CYSTM1: variants seen among roughly 807,000 people sequenced by gnomAD.
CYSTM1 encodes the protein cysteine-rich transmembrane module-containing protein 1.
A neutral mutation model predicts 13.1 loss-of-function variants in CYSTM1; 4 were observed. The ratio of observed to expected loss-of-function variants is 0.31; its 90% CI spans 0.15 to 0.70. The LOEUF (loss-of-function observed/expected upper bound fraction) is 0.70, where lower values mean the gene tolerates loss of function less well. CYSTM1 is among the 30% of genes least tolerant of loss of function. The pLI, the probability that CYSTM1 is intolerant of heterozygous loss-of-function variation, is 0.72. For missense variants in CYSTM1, 96 were observed against 121.6 expected, an observed-to-expected ratio of 0.79 and a Z score of 0.99; for synonymous variants, 36 against 42.7, an observed-to-expected ratio of 0.84 and a Z score of 0.62.
rs1397176514 is a variant in CYSTM1 at position 140,219,138 on chromosome 5, G to A, written c.188-24167G>A. ...TCCTAGTTACAGTCGTACAAGCCAG[G>A]CCACCACTTCTGTCTCCTTTTCTCT... On this transcript the variant is annotated intron_variant, in intron 2 of 2. Coordinates refer to ENST00000261811, the MANE Select transcript of CYSTM1 (RefSeq NM_032412.4). The surrounding 1 kb of genome is among the most constrained non-coding windows in gnomAD (Gnocchi z 4.1). 6.6e-6 allele frequency among the ~76,000 whole-genome samples: 1 copy of A among 152,096 alleles called. No individual in the cohort carries two copies. Among genetic ancestry groups the A allele is most frequent in the Non-Finnish European group, 1.5e-5 (1 of 68,032 alleles).
intron 2 of CYSTM1, among the ~76,000 whole-genome samples, chr5:140,231,101 C>T (rs1764612696): frequency 6.6e-6 from 1 of 152,112 alleles, no homozygotes; most frequent in African/African-American, 2.4e-5. Context: ...AACAAGTAAT[C>T]TCTCAATTTA....
chr5:140,211,287 C>G (rs570356509), intron 2 of CYSTM1, among the ~76,000 whole-genome samples: 3 of 152,322 alleles, frequency 2.0e-5, no homozygotes, highest in East Asian at 3.9e-4. Flanking sequence ...TTCATGGTCA[C>G]AGAGCTAAGA....
At chr5:140,229,916 G>C (rs1433527030) in intron 2 of CYSTM1, among the ~76,000 whole-genome samples, 1 of 152,096 alleles carries the variant, frequency 6.6e-6, no homozygotes, top group African/African-American at 2.4e-5. Context: ...TGTCACCCAA[G>C]CTGGAGTGCA....
chr5:140,201,548 A>T (rs926950773), intron 2 of CYSTM1: 3 of 152,192 alleles, frequency 2.0e-5, no homozygotes, highest in East Asian at 1.9e-4. Context: ...TACCTATACT[A>T]TACCTCCAGT....
intron 2 of CYSTM1, among the ~76,000 whole-genome samples, chr5:140,233,947 T>C (rs1460664187): frequency 6.6e-6 from 1 of 152,250 alleles, no homozygotes; most frequent in Non-Finnish European, 1.5e-5. Context: ...GTGTCTTCCA[T>C]GGAGCAAAAG....
At position 140,230,968 on chromosome 5, in the gene CYSTM1, A is replaced by G. The variant is rs1010354521; in HGVS notation, c.188-12337A>G. Among the ~76,000 whole-genome samples, 2 of 152,110 alleles carry G rather than the reference A, an allele frequency of 1.3e-5. No individual in the cohort carries two copies. Among genetic ancestry groups the G allele is most frequent in the Non-Finnish European group, 2.9e-5 (2 of 68,028 alleles). On this transcript the variant is annotated intron_variant, in intron 2 of 2. Transcript: ENST00000261811. This position sits in a 1 kb window ranked among gnomAD's most constrained non-coding sequence, Gnocchi z 4.1. The stretch of plus-strand genomic sequence containing the variant: ...TTCTCGGCCTTTTACTGTTTCATCT[A>G]CATTTTAGAATGTGTGTTAGTTTCT...
intron 2 of CYSTM1, chr5:140,228,678 C>T (rs1764587736): frequency 2.5e-6 from 1 of 398,760 alleles, no homozygotes; most frequent in Non-Finnish European, 4.4e-6. Context: ...ACTCCAAGTC[C>T]CCTCTGACTG....
At position 140,239,071 on chromosome 5, in the gene CYSTM1, T is replaced by A. The variant is rs1041963749; in HGVS notation, c.188-4234T>A. ...CCTCTGGGAGGCTCTGGTCTTTCTGTTTGCCTTTCCCGCCTAGCTCTCTTG... is the reference window on the plus strand; with the variant it reads ...CCTCTGGGAGGCTCTGGTCTTTCTGATTGCCTTTCCCGCCTAGCTCTCTTG... On this transcript the variant is annotated intron_variant, in intron 2 of 2. Transcript: ENST00000261811. The surrounding 1 kb of genome is among the most constrained non-coding windows in gnomAD (Gnocchi z 5.4). Among the ~76,000 whole-genome samples the A allele has an allele frequency of 6.6e-6, 1 of 152,142 alleles. No homozygotes were observed. The highest frequency in any genetic ancestry group is 1.5e-5 in the Non-Finnish European group (1 of 68,012).
intron 1 of CYSTM1, among the ~76,000 whole-genome samples, chr5:140,185,891 G>A (rs1010076471): frequency 1.3e-5 from 2 of 152,130 alleles, no homozygotes; most frequent in Admixed American, 1.3e-4. Context: ...TGACTCTTCC[G>A]ATTGGGGAGT....
rs2126666654 is a variant in CYSTM1, at chr5:140,219,199, A to T, written c.188-24106A>T. Among the ~76,000 whole-genome samples, 1 of 152,190 alleles carries T rather than the reference A, an allele frequency of 6.6e-6. No individual in the cohort carries two copies. Among genetic ancestry groups the T allele is most frequent in the Middle Eastern group, 3.4e-3 (1 of 294 alleles). ...TCTCTAGCCTCACATTTGCCAAATA[A>T]TCACATCTCAGTGGGTAAAGTGGGG... On this transcript the variant is annotated intron_variant, in intron 2 of 2. Coordinates refer to ENST00000261811, the MANE Select transcript of CYSTM1 (RefSeq NM_032412.4). The surrounding 1 kb of genome is among the most constrained non-coding windows in gnomAD (Gnocchi z 4.1).
chr5:140,183,380 C>T (rs1438636490), intron 1 of CYSTM1, among the ~76,000 whole-genome samples: 1 of 152,178 alleles, frequency 6.6e-6, no homozygotes, highest in African/African-American at 2.4e-5. Context: ...TCTTTTGAGC[C>T]TCTCTCTTGC....
At chr5:140,183,246 G>A (rs148894966) in intron 1 of CYSTM1, among the ~76,000 whole-genome samples, 281 of 152,284 alleles carry the variant, frequency 1.8e-3, no homozygotes, top group African/African-American at 6.4e-3. Context: ...CAACTTGGCA[G>A]GGGGCAGAGT....
In CYSTM1 at chr5:140,221,922, G is replaced by A. The variant is rs193008849; in HGVS notation, c.188-21383G>A. 1.1e-3 allele frequency among the ~76,000 whole-genome samples: 175 copies of A among 152,226 alleles called. 1 individual carries two copies. The highest frequency in any genetic ancestry group is 3.8e-3 in the African/African-American group (158 of 41,542). ...TATAATTCCAGTTTGATATATCCCC[G>A]ATATATCCCCTTTCATTGACCACAT... On this transcript the variant is annotated intron_variant, in intron 2 of 2. Coordinates refer to ENST00000261811, the MANE Select transcript of CYSTM1 (RefSeq NM_032412.4).
At chr5:140,207,567 G>A (rs1004069956) in intron 2 of CYSTM1, among the ~76,000 whole-genome samples, 9 of 152,156 alleles carry the variant, frequency 5.9e-5, no homozygotes, top group African/African-American at 2.2e-4. Context: ...GGAACTTAAT[G>A]TACAACTCAA....
chr5:140,220,538 T>C (rs1038417109), intron 2 of CYSTM1, among the ~76,000 whole-genome samples: 3 of 152,180 alleles, frequency 2.0e-5, no homozygotes, highest in Non-Finnish European at 4.4e-5. Flanking sequence ...GCTGTGAGCT[T>C]CCTGAGATGG....
rs1764463593 is a variant in CYSTM1 at position 140,219,238 on chromosome 5, T to C, written c.188-24067T>C. ...GGTAAAGTGGGGATTTTCAGGACCATTTGCCCTTGATTCTAGGTGGATGTC... is the reference window on the plus strand; with the variant it reads ...GGTAAAGTGGGGATTTTCAGGACCACTTGCCCTTGATTCTAGGTGGATGTC... On this transcript the variant is annotated intron_variant, in intron 2 of 2. Coordinates refer to ENST00000261811, the MANE Select transcript of CYSTM1 (RefSeq NM_032412.4). This position sits in a 1 kb window ranked among gnomAD's most constrained non-coding sequence, Gnocchi z 4.1. 1.3e-5 allele frequency among the ~76,000 whole-genome samples: 2 copies of C among 152,148 alleles called. No homozygotes were observed. The highest frequency in any genetic ancestry group is 4.8e-5 in the African/African-American group (2 of 41,416).
intron 2 of CYSTM1, among the ~76,000 whole-genome samples, chr5:140,195,961 C>T (rs1764151717): frequency 6.6e-6 from 1 of 151,276 alleles, no homozygotes; most frequent in Non-Finnish European, 1.5e-5. Context: ...AGGAGAATGG[C>T]TTGAACCTGG....
At chr5:140,226,236 A>C (rs1286410985) in intron 2 of CYSTM1, among the ~76,000 whole-genome samples, 3 of 151,928 alleles carry the variant, frequency 2.0e-5, no homozygotes, top group Admixed American at 1.3e-4. Flanking sequence ...GTTTTATAGC[A>C]GAAGAAACTG....
At chr5:140,241,262 A>G (rs1236988962) in intron 2 of CYSTM1, among the ~76,000 whole-genome samples, 1 of 152,234 alleles carries the variant, frequency 6.6e-6, no homozygotes, top group Non-Finnish European at 1.5e-5. Context: ...GACAGGTGAG[A>G]AAGGCATGGC....
Sources: gnomAD v4.1 joint callset for allele counts (sites outside exome capture counted in the v4.1 genomes callset) on GRCh38, gnomAD v4.1.1 for gene constraint, Gnocchi (gnomAD v3.1) non-coding constraint, MANE v1.5 for transcripts, NCBI Gene and HGNC (gene_info 2026-07-23, HGNC 2026-07-21) for gene names.